DPP6: variants seen among roughly 807,000 people sequenced by gnomAD.
The protein encoded by DPP6 is dipeptidyl peptidase like 6.
DPP6 carries 69 observed loss-of-function variants against 122.6 expected under a neutral mutation model. The observed-to-expected ratio is 0.56, with a 90% CI of 0.46 to 0.69. DPP6 has a LOEUF of 0.69. Among genes scored for constraint, DPP6 ranks in the 30% least tolerant of loss-of-function variants. The pLI, the probability that DPP6 is intolerant of heterozygous loss-of-function variation, is 0.00. For synonymous variants in DPP6, 418 were observed against 433.1 expected (o/e 0.97, Z 0.43); for missense variants, 928 against 1,116.9 (o/e 0.83, Z 2.41).
At chr7:154,747,952 A>G (rs567051781) in intron 8 of DPP6, among the ~76,000 whole-genome samples, 2 of 152,394 alleles carry the variant, frequency 1.3e-5, no homozygotes, top group African/African-American at 4.8e-5. Flanking sequence ...TCACTGAGAT[A>G]TGTTGATCTA....
rs111949293 is a variant in DPP6 at position 154,886,350 on chromosome 7, C to T, written c.2245+606C>T. ...CAAGGCAGAGATGGGGTCAGGCTGT[C>T]AGGGTGACCTGCTGTGGGGATCAGA... On this transcript the variant is annotated intron_variant, in intron 22 of 25. Coordinates refer to ENST00000377770, the MANE Select transcript of DPP6 (RefSeq NM_130797.4). Among the ~76,000 whole-genome samples, 1,363 of 152,306 alleles carry T rather than the reference C, an allele frequency of 8.9e-3. 16 individuals carry two copies. Among genetic ancestry groups the T allele is most frequent in the African/African-American group, 0.031 (1,271 of 41,556 alleles).
chr7:153,971,015 G>A (rs1795990787), intron 1 of DPP6, among the ~76,000 whole-genome samples: 1 of 152,048 alleles, frequency 6.6e-6, no homozygotes, highest in Non-Finnish European at 1.5e-5. Flanking sequence ...GACGATTTCT[G>A]CAGAAAATCC....
At chr7:154,103,008 G>A (rs540565222) in intron 1 of DPP6, among the ~76,000 whole-genome samples, 1 of 152,168 alleles carries the variant, frequency 6.6e-6, no homozygotes, top group South Asian at 2.1e-4. Flanking sequence ...CAGCCCCATG[G>A]GGTCAGAGGG....
intron 1 of DPP6, among the ~76,000 whole-genome samples, chr7:154,246,407 A>G (rs1801988341): frequency 6.6e-6 from 1 of 152,218 alleles, no homozygotes; most frequent in Admixed American, 6.5e-5. Context: ...AAACTGACAA[A>G]TAATGGTGAC....
chr7:154,588,098 T>C lies in DPP6; in HGVS notation c.627+21182T>C. On this transcript the variant is annotated intron_variant, in intron 5 of 25. Coordinates refer to ENST00000377770, the MANE Select transcript of DPP6 (RefSeq NM_130797.4). ...GCAACCGAGTGAGCCTTGCAGCCTCTGCTGCCAGCACAGGCTTGTTCCTTC... is the reference window on the plus strand; with the variant it reads ...GCAACCGAGTGAGCCTTGCAGCCTCCGCTGCCAGCACAGGCTTGTTCCTTC... 1.9e-6 allele frequency: 3 copies of C among 1,594,338 alleles called. No homozygotes were observed. In the South Asian group the frequency reaches 3.4e-5, roughly 18 times the overall value.
chr7:154,289,703 C>T (rs1805080909), intron 1 of DPP6, among the ~76,000 whole-genome samples: 1 of 152,150 alleles, frequency 6.6e-6, no homozygotes, highest in Admixed American at 6.5e-5. Context: ...CTAGGCAGGA[C>T]CACCTTCTCT....
At chr7:154,570,633 C>A (rs375917154) in intron 5 of DPP6, among the ~76,000 whole-genome samples, 8 of 152,314 alleles carry the variant, frequency 5.3e-5, no homozygotes, top group African/African-American at 1.9e-4. Flanking sequence ...TAATAACGTT[C>A]CATGTTTATT....
At chr7:154,478,986 T>C (rs1170454202) in intron 3 of DPP6, among the ~76,000 whole-genome samples, 1 of 151,156 alleles carries the variant, frequency 6.6e-6, no homozygotes, top group Non-Finnish European at 1.5e-5. Context: ...TAGTACACAT[T>C]AACTGCTGAA....
intron 4 of DPP6, among the ~76,000 whole-genome samples, chr7:154,551,290 G>A (rs930037924): frequency 3.9e-5 from 6 of 152,100 alleles, no homozygotes; most frequent in African/African-American, 1.4e-4. Flanking sequence ...AATGCAGGTG[G>A]GGAAAAATTT....
At chr7:154,574,933 G>T (rs926045196) in intron 5 of DPP6, among the ~76,000 whole-genome samples, 15,633 of 143,786 alleles carry the variant, frequency 0.11, 1,098 homozygotes, top group Middle Eastern at 0.17. Context: ...TTTGGTGTAT[G>T]TGTGTTGTGT....
At chr7:154,135,234 A>G (rs1291871721) in intron 1 of DPP6, among the ~76,000 whole-genome samples, 1 of 150,862 alleles carries the variant, frequency 6.6e-6, no homozygotes, top group Non-Finnish European at 1.5e-5. Flanking sequence ...CTATGAGCCC[A>G]TAGATCCTAT....
chr7:154,859,690 A>T (rs746312007), intron 17 of DPP6, among the ~76,000 whole-genome samples: 1 of 152,244 alleles, frequency 6.6e-6, no homozygotes, highest in East Asian at 1.9e-4. Context: ...GAAGGTAATT[A>T]TGGTTGGGAC....
At chr7:154,288,779 T>C (rs1272370028) in intron 1 of DPP6, among the ~76,000 whole-genome samples, 1 of 151,200 alleles carries the variant, frequency 6.6e-6, no homozygotes, top group Admixed American at 6.6e-5. Flanking sequence ...GATATGCTGG[T>C]AAAAAAAAAC....
At chr7:154,751,300 T>C (rs141293031) in intron 8 of DPP6, among the ~76,000 whole-genome samples, 2 of 152,120 alleles carry the variant, frequency 1.3e-5, no homozygotes, top group Non-Finnish European at 2.9e-5. Context: ...CAGGCCGATA[T>C]CTATCGATAA....
At chr7:154,065,441 A>G (rs1047556392) in intron 1 of DPP6, among the ~76,000 whole-genome samples, 1 of 151,638 alleles carries the variant, frequency 6.6e-6, no homozygotes, top group Non-Finnish European at 1.5e-5. Context: ...CCATTCCAGC[A>G]TTCCCCCCAG....
chr7:154,383,929 A>G (rs1813857983), intron 1 of DPP6, among the ~76,000 whole-genome samples: 1 of 152,006 alleles, frequency 6.6e-6, no homozygotes, highest in African/African-American at 2.4e-5. Context: ...ATTCTTTAAA[A>G]TAATACCCAT....
At chr7:154,568,509 C>T (rs570882921) in intron 5 of DPP6, among the ~76,000 whole-genome samples, 1 of 152,334 alleles carries the variant, frequency 6.6e-6, no homozygotes, top group African/African-American at 2.4e-5. Context: ...GGGGTTCCCG[C>T]AGCCGTGTGA....
chr7:154,298,283 C>A (rs1238780982), intron 1 of DPP6, among the ~76,000 whole-genome samples: 1 of 152,060 alleles, frequency 6.6e-6, no homozygotes, highest in Non-Finnish European at 1.5e-5. Context: ...CACACACATA[C>A]ACACACTATT....
chr7:154,301,640 G>T (rs1271478212), intron 1 of DPP6, among the ~76,000 whole-genome samples: 2 of 152,066 alleles, frequency 1.3e-5, no homozygotes, highest in African/African-American at 4.8e-5. Flanking sequence ...TTCTGTATTT[G>T]CAGTAATAAG....
Sources: allele counts gnomAD v4.1 joint callset (sites outside exome capture counted in the v4.1 genomes callset), GRCh38; gene constraint gnomAD v4.1.1; transcripts MANE v1.5; gene names NCBI Gene and HGNC (gene_info 2026-07-23, HGNC 2026-07-21).